Variants in CHRM2 observed in about 807,000 individuals in gnomAD.
The protein encoded by CHRM2 is muscarinic acetylcholine receptor M2.
Under a neutral mutation model 25.0 loss-of-function variants are expected in CHRM2, and 8 were observed. The ratio of observed to expected loss-of-function variants is 0.32; its 90% confidence interval spans 0.19 to 0.58. CHRM2 has a LOEUF of 0.58. Among genes scored for constraint, CHRM2 ranks in the 20% least tolerant of loss-of-function variants. CHRM2 has a pLI of 0.88. For missense variants in CHRM2, 440 were observed against 567.1 expected (o/e 0.78, Z 2.28); for synonymous variants, 202 against 205.7 (o/e 0.98, Z 0.15).
At chr7:136,901,099 T>A (rs187943829) in intron 2 of CHRM2, among the ~76,000 whole-genome samples, 1 of 152,206 alleles carries the variant, frequency 6.6e-6, no homozygotes, top group East Asian at 1.9e-4. Flanking sequence ...TTTCTAATAC[T>A]TTCTTCCTGC....
chr7:136,936,792 T>A (rs1160357448), intron 2 of CHRM2, among the ~76,000 whole-genome samples: 1 of 152,176 alleles, frequency 6.6e-6, no homozygotes, highest in Non-Finnish European at 1.5e-5. Context: ...TTTTAATAGG[T>A]TCTAATACAT....
At chr7:136,910,209 A>T (rs1021647840) in intron 2 of CHRM2, among the ~76,000 whole-genome samples, 1 of 151,936 alleles carries the variant, frequency 6.6e-6, no homozygotes, top group Non-Finnish European at 1.5e-5. Flanking sequence ...ATGCATTGCC[A>T]GGTTCCTGAT....
At chr7:136,957,576 G>A (rs998299629) in intron 2 of CHRM2, among the ~76,000 whole-genome samples, 3 of 152,158 alleles carry the variant, frequency 2.0e-5, no homozygotes, top group South Asian at 2.1e-4. Flanking sequence ...CTCGAGAGAC[G>A]AGTTGGGATC....
At chr7:136,974,439 C>A (rs1023849621) in intron 2 of CHRM2, among the ~76,000 whole-genome samples, 28 of 152,050 alleles carry the variant, frequency 1.8e-4, no homozygotes, top group Non-Finnish European at 5.9e-5. Context: ...GAGGAAATAG[C>A]ATCTAAGTTT....
intron 2 of CHRM2, among the ~76,000 whole-genome samples, chr7:136,958,872 G>T (rs903067000): frequency 5.9e-5 from 9 of 152,138 alleles, no homozygotes; most frequent in African/African-American, 1.7e-4. Context: ...CACCAGCTCT[G>T]TCCACAATAC....
chr7:137,002,456 T>G (rs1804114272), intron 3 of CHRM2, among the ~76,000 whole-genome samples: 1 of 152,166 alleles, frequency 6.6e-6, no homozygotes, highest in African/African-American at 2.4e-5. Context: ...TTCTCCAAAA[T>G]AAACTGCTTT....
chr7:136,913,098 C>A (rs1257264491), intron 2 of CHRM2, among the ~76,000 whole-genome samples: 1 of 151,870 alleles, frequency 6.6e-6, no homozygotes, highest in African/African-American at 2.4e-5. Context: ...AAATTTATAA[C>A]TACTGCATTT....
At chr7:137,011,829 A>T (rs1174919486) in intron 3 of CHRM2, among the ~76,000 whole-genome samples, 2 of 152,088 alleles carry the variant, frequency 1.3e-5, no homozygotes, top group African/African-American at 4.8e-5. Context: ...GGCCAATGTG[A>T]TGAGACCATC....
intron 2 of CHRM2, among the ~76,000 whole-genome samples, chr7:136,882,702 C>T (rs900316665): frequency 2.0e-5 from 3 of 152,122 alleles, no homozygotes; most frequent in African/African-American, 7.2e-5. Context: ...TTTCCACTTT[C>T]GAAACCAATA....
chr7:136,920,692 G>A (rs974071652), intron 2 of CHRM2, among the ~76,000 whole-genome samples: 2 of 152,076 alleles, frequency 1.3e-5, no homozygotes, highest in Non-Finnish European at 2.9e-5. Flanking sequence ...GCCACCTTAA[G>A]CTCATCACAC....
rs572772841 is a variant in CHRM2, at chr7:137,000,391, G to A, written c.-47+8127G>A. On this transcript the variant is annotated intron_variant, in intron 3 of 3. Coordinates refer to ENST00000680005, the MANE Select transcript of CHRM2 (RefSeq NM_001006630.2). The stretch of plus-strand genomic sequence containing the variant: ...TTTTTTGTTTTTTTAGTAGAGACGA[G>A]GTTTTGCCATGTTGGCCAGGCTGGT... 3.2e-4 allele frequency among the ~76,000 whole-genome samples: 49 copies of A among 150,902 alleles called. 2 individuals are homozygous for A. The South Asian group carries it at 0.01, about 32-fold the overall frequency.
At chr7:136,984,072 G>T (rs1489045524) in intron 2 of CHRM2, among the ~76,000 whole-genome samples, 1 of 152,128 alleles carries the variant, frequency 6.6e-6, no homozygotes, top group African/African-American at 2.4e-5. Context: ...CTGTCCCAGG[G>T]ATATGGGAAT....
chr7:136,965,255 A>C (rs995588686), intron 2 of CHRM2, among the ~76,000 whole-genome samples: 4 of 152,084 alleles, frequency 2.6e-5, no homozygotes, highest in African/African-American at 9.6e-5. Context: ...GGGGATTAAA[A>C]CATCTGCATA....
chr7:136,898,056 C>T (rs947148767), intron 2 of CHRM2, among the ~76,000 whole-genome samples: 3 of 152,052 alleles, frequency 2.0e-5, no homozygotes, highest in African/African-American at 7.2e-5. Context: ...CAATATGTAC[C>T]TCCCAAGTAA....
At chr7:136,916,747 T>C (rs1169913266) in intron 2 of CHRM2, among the ~76,000 whole-genome samples, 1 of 151,410 alleles carries the variant, frequency 6.6e-6, no homozygotes, top group Non-Finnish European at 1.5e-5. Flanking sequence ...TTATATTAGG[T>C]TCTTCATATA....
intron 2 of CHRM2, among the ~76,000 whole-genome samples, chr7:136,876,468 C>T (rs1796056288): frequency 6.6e-6 from 1 of 152,118 alleles, no homozygotes; most frequent in Non-Finnish European, 1.5e-5. Context: ...TTTAAAACCA[C>T]TTTCTATTTT....
At chr7:136,938,751 C>T (rs543040031) in intron 2 of CHRM2, among the ~76,000 whole-genome samples, 4 of 151,962 alleles carry the variant, frequency 2.6e-5, no homozygotes, top group Admixed American at 6.5e-5. Context: ...GGAGGGAGGC[C>T]GCCATGCAGT....
chr7:136,951,255 A>G (rs1800398107), intron 2 of CHRM2, among the ~76,000 whole-genome samples: 1 of 152,186 alleles, frequency 6.6e-6, no homozygotes. Context: ...CACATGGATG[A>G]CAAAGAAACC....
At chr7:137,011,366 T>G (rs1584922270) in intron 3 of CHRM2, among the ~76,000 whole-genome samples, 1 of 151,666 alleles carries the variant, frequency 6.6e-6, no homozygotes. Flanking sequence ...AAGTGGATGG[T>G]GTAACTCTTA....
Sources: gnomAD v4.1 joint callset for allele counts (sites outside exome capture counted in the v4.1 genomes callset) on GRCh38, gnomAD v4.1.1 for gene constraint, MANE v1.5 for transcripts, NCBI Gene and HGNC (gene_info 2026-07-23, HGNC 2026-07-21) for gene names.